Variants in SLC14A2 observed in about 807,000 individuals in gnomAD.
SLC14A2 encodes urea transporter 2.
SLC14A2 carries 91 observed loss-of-function variants against 104.6 expected under a neutral mutation model. That is an observed-to-expected ratio of 0.87 (90% CI 0.73 to 1.04). The LOEUF (loss-of-function observed/expected upper bound fraction) is 1.04, where lower values mean the gene tolerates loss of function less well. Ranked by LOEUF, SLC14A2 falls within the 50% of genes least tolerant of loss-of-function variation. SLC14A2 has a pLI of 0.00. For missense variants in SLC14A2, 1,189 were observed against 1,156.0 expected, an observed-to-expected ratio of 1.03 and a Z score of -0.41; for synonymous variants, 476 against 466.4, an observed-to-expected ratio of 1.02 and a Z score of -0.27.
chr18:45,596,032 C>T (rs2144400176), intron 2 of SLC14A2, among the ~76,000 whole-genome samples: 1 of 152,322 alleles, frequency 6.6e-6, no homozygotes, highest in East Asian at 1.9e-4. Context: ...GAAAACCACC[C>T]AGTACGGACT....
At chr18:45,399,604 T>G (rs754810702) in intron 1 of SLC14A2, among the ~76,000 whole-genome samples, 2 of 152,164 alleles carry the variant, frequency 1.3e-5, no homozygotes, top group Non-Finnish European at 2.9e-5. Flanking sequence ...TTTTTTTCCC[T>G]TTTATTATTC....
chr18:45,185,896 A>G, the SLC14A2 span, among the ~76,000 whole-genome samples: 1 of 152,198 alleles, frequency 6.6e-6, no homozygotes, highest in Non-Finnish European at 1.5e-5. Flanking sequence ...GCATCAAAAT[A>G]TATAAAACAG....
At chr18:45,290,024 C>T (rs1402431880) in intron 1 of SLC14A2, among the ~76,000 whole-genome samples, 1 of 152,170 alleles carries the variant, frequency 6.6e-6, no homozygotes, top group South Asian at 2.1e-4. Flanking sequence ...TTGCCAAGAT[C>T]CCATCTGTGG....
intron 1 of SLC14A2, among the ~76,000 whole-genome samples, chr18:45,465,411 C>A (rs2087122516): frequency 6.6e-6 from 1 of 152,178 alleles, no homozygotes; most frequent in African/African-American, 2.4e-5. Flanking sequence ...GCCTCCCATC[C>A]CAATTTTCTA....
intron 1 of SLC14A2, among the ~76,000 whole-genome samples, chr18:45,360,821 AT>A (rs2085602848): frequency 6.6e-6 from 1 of 152,210 alleles, no homozygotes; most frequent in Non-Finnish European, 1.5e-5. Flanking sequence ...ACAGCTCAGT[AT>A]TTTGAAAACA....
chr18:45,467,913 G>C (rs545143353), intron 1 of SLC14A2, among the ~76,000 whole-genome samples: 23 of 152,292 alleles, frequency 1.5e-4, no homozygotes, highest in African/African-American at 5.5e-4. Context: ...TATGGGGAGA[G>C]AGGGGCTGGT....
chr18:45,189,704 G>T, the SLC14A2 span, among the ~76,000 whole-genome samples: 8 of 142,420 alleles, frequency 5.6e-5, no homozygotes, highest in Non-Finnish European at 1.1e-4. Flanking sequence ...CATGCCAAAT[G>T]CTTAAAGCAG....
chr18:45,496,665 C>T (rs1295801361), intron 2 of SLC14A2, among the ~76,000 whole-genome samples: 2 of 152,300 alleles, frequency 1.3e-5, no homozygotes, highest in South Asian at 2.1e-4. Context: ...TGCCTGTAAA[C>T]CCAGCTACTG....
At chr18:45,203,135 A>C in the SLC14A2 span, among the ~76,000 whole-genome samples, 1 of 152,188 alleles carries the variant, frequency 6.6e-6, no homozygotes, top group Non-Finnish European at 1.5e-5. Flanking sequence ...GAGGAGAGGC[A>C]CTTCAAAAGC....
rs191220890 is a variant in SLC14A2 at position 45,443,104 on chromosome 18, A to C, written c.-124-40129A>C. Among the ~76,000 whole-genome samples the C allele has an allele frequency of 5.3e-5, 8 of 152,354 alleles. 1 individual carries two copies. Among genetic ancestry groups the C allele is most frequent in the Admixed American group, 5.2e-4 (8 of 15,296 alleles). On this transcript the variant is annotated intron_variant, in intron 1 of 20. Transcript: ENST00000586448. The stretch of plus-strand genomic sequence containing the variant: ...ATGAGATTTATCCTTGTTTCAAATT[A>C]ACAGTTTCCCCAGTATATTAGTTGG...
At chr18:45,501,381 C>G (rs1234959702) in intron 2 of SLC14A2, among the ~76,000 whole-genome samples, 1 of 152,216 alleles carries the variant, frequency 6.6e-6, no homozygotes, top group Non-Finnish European at 1.5e-5. Context: ...CGTCCACTTA[C>G]CAGCTTTGTG....
chr18:45,506,059 C>G (rs1418152021), intron 2 of SLC14A2, among the ~76,000 whole-genome samples: 1 of 152,142 alleles, frequency 6.6e-6, no homozygotes, highest in Non-Finnish European at 1.5e-5. Flanking sequence ...GCTAGCCTCC[C>G]AGCAGGAGAT....
At chr18:45,352,190 A>G (rs1313212433) in intron 1 of SLC14A2, among the ~76,000 whole-genome samples, 1 of 152,134 alleles carries the variant, frequency 6.6e-6, no homozygotes, top group Non-Finnish European at 1.5e-5. Context: ...ACCAGGAAAT[A>G]CTTCAAAGAA....
At chr18:45,331,583 C>T (rs1009416017) in intron 1 of SLC14A2, among the ~76,000 whole-genome samples, 9 of 150,596 alleles carry the variant, frequency 6.0e-5, no homozygotes, top group East Asian at 3.9e-4. Context: ...CCCAGCTACT[C>T]GGGAGGCTGA....
chr18:45,380,417 T>A, intron 1 of SLC14A2, among the ~76,000 whole-genome samples: 1 of 152,130 alleles, frequency 6.6e-6, no homozygotes. Flanking sequence ...ATTATAGCAT[T>A]TGGGCCCTGG....
At chr18:45,576,444 CGGCTAATTT>C (rs1282027695) in intron 2 of SLC14A2, among the ~76,000 whole-genome samples, 3 of 151,924 alleles carry the variant, frequency 2.0e-5, no homozygotes, top group African/African-American at 7.3e-5. Flanking sequence ...CCACCACGCC[CGGCTAATTT>C]GTTTGTGTTT....
chr18:45,552,732 T>A (rs1230263944), intron 2 of SLC14A2, among the ~76,000 whole-genome samples: 2 of 151,598 alleles, frequency 1.3e-5, no homozygotes, highest in South Asian at 2.1e-4. Context: ...ATAGAACAGG[T>A]GTGTGATGGG....
intron 1 of SLC14A2, among the ~76,000 whole-genome samples, chr18:45,345,475 C>G (rs2085438642): frequency 6.6e-6 from 1 of 152,104 alleles, no homozygotes; most frequent in African/African-American, 2.4e-5. Context: ...CCTGCAAAAG[C>G]TTCCCTACAA....
intron 1 of SLC14A2, among the ~76,000 whole-genome samples, chr18:45,622,046 G>A (rs954570416): frequency 3.0e-4 from 46 of 152,192 alleles, no homozygotes; most frequent in Non-Finnish European, 1.5e-5. Context: ...GCAGCTCAGA[G>A]CCTTGCACAC....
Sources: gnomAD v4.1 joint callset for allele counts (sites outside exome capture counted in the v4.1 genomes callset) on GRCh38, gnomAD v4.1.1 for gene constraint, MANE v1.5 for transcripts, NCBI Gene and HGNC (gene_info 2026-07-23, HGNC 2026-07-21) for gene names.